Variants in RBFOX1 observed in about 807,000 individuals in gnomAD.
RBFOX1 encodes the protein RNA binding protein fox-1 homolog 1.
In RBFOX1, 8 loss-of-function variants were observed where a neutral mutation model predicts 57.7. The observed-to-expected ratio is 0.14, with a 90% CI of 0.08 to 0.25. The LOEUF (loss-of-function observed/expected upper bound fraction) is 0.25, where lower values mean the gene tolerates loss of function less well. Ranked by LOEUF, RBFOX1 falls within the 10% of genes least tolerant of loss-of-function variation. RBFOX1 has a pLI of 1.00. For missense variants in RBFOX1, 611 were observed against 548.5 expected (o/e 1.11, Z -1.14); for synonymous variants, 326 against 222.4 (o/e 1.47, Z -4.15).
intron 3 of RBFOX1, among the ~76,000 whole-genome samples, chr16:6,733,811 C>A (rs911232278): frequency 1.3e-5 from 2 of 152,220 alleles, no homozygotes; most frequent in South Asian, 2.1e-4. Context: ...ACTACCATCT[C>A]TGTGACTTGC....
intron 4 of RBFOX1, among the ~76,000 whole-genome samples, chr16:7,292,441 TATA>T (rs1319777444): frequency 2.1e-5 from 3 of 143,894 alleles, no homozygotes; most frequent in Admixed American, 1.4e-4. Flanking sequence ...ATATATAATA[TATA>T]ATATGTAATG....
intron 4 of RBFOX1, among the ~76,000 whole-genome samples, chr16:7,358,749 G>A (rs1391981409): frequency 6.6e-6 from 1 of 152,136 alleles, no homozygotes; most frequent in African/African-American, 2.4e-5. Flanking sequence ...GAATAAAGTA[G>A]TCACAGGTGG....
chr16:6,258,974 C>G (rs1348167437), intron 1 of RBFOX1, among the ~76,000 whole-genome samples: 5 of 152,100 alleles, frequency 3.3e-5, no homozygotes, highest in Admixed American at 3.3e-4. Context: ...AGTTCATTTA[C>G]AACATTAGAT....
At chr16:6,169,484 T>C (rs952247244) in intron 1 of RBFOX1, among the ~76,000 whole-genome samples, 3 of 152,046 alleles carry the variant, frequency 2.0e-5, no homozygotes, top group Admixed American at 6.5e-5. Context: ...AAGGAGTTAA[T>C]TGAACAATGA....
intron 1 of RBFOX1, among the ~76,000 whole-genome samples, chr16:6,109,572 C>G (rs535497530): frequency 6.6e-6 from 1 of 152,240 alleles, no homozygotes; most frequent in East Asian, 1.9e-4. Context: ...CATTTGCTTT[C>G]TCTATTTTCT....
intron 1 of RBFOX1, among the ~76,000 whole-genome samples, chr16:5,407,705 C>G (rs545519606): frequency 6.6e-6 from 1 of 152,164 alleles, no homozygotes; most frequent in South Asian, 2.1e-4. Flanking sequence ...CCCACCACCA[C>G]GCTGGGCTAA....
chr16:5,547,768 C>T (rs946180386), intron 2 of RBFOX1, among the ~76,000 whole-genome samples: 1 of 152,126 alleles, frequency 6.6e-6, no homozygotes, highest in East Asian at 1.9e-4. Flanking sequence ...AACTGGAGGC[C>T]ATTATCCTAA....
At chr16:5,765,230 A>T (rs560475053) in intron 3 of RBFOX1, among the ~76,000 whole-genome samples, 49 of 152,188 alleles carry the variant, frequency 3.2e-4, no homozygotes, top group Non-Finnish European at 5.9e-4. Context: ...TGATCACTGG[A>T]TCCCAAACCC....
chr16:7,462,572 C>G (rs931117799), intron 4 of RBFOX1, among the ~76,000 whole-genome samples: 1 of 152,222 alleles, frequency 6.6e-6, no homozygotes, highest in African/African-American at 2.4e-5. Flanking sequence ...TTCGGCATGA[C>G]TCAACTGGGT....
At chr16:6,562,068 C>T (rs532810945) in intron 2 of RBFOX1, among the ~76,000 whole-genome samples, 2 of 152,246 alleles carry the variant, frequency 1.3e-5, no homozygotes, top group South Asian at 2.1e-4. Flanking sequence ...TCATTTCCAT[C>T]ATTACTGATG....
intron 2 of RBFOX1, among the ~76,000 whole-genome samples, chr16:5,481,736 C>A (rs1694925204): frequency 6.6e-6 from 1 of 152,294 alleles, no homozygotes; most frequent in African/African-American, 2.4e-5. Flanking sequence ...ATTCTGCCAT[C>A]ATTCTGGAGG....
chr16:5,931,867 G>A (rs2059065821), intron 4 of RBFOX1, among the ~76,000 whole-genome samples: 1 of 152,156 alleles, frequency 6.6e-6, no homozygotes, highest in African/African-American at 2.4e-5. Flanking sequence ...GAGTACAGTG[G>A]CACAGTCCTA....
chr16:6,380,054 A>G (rs902797273), intron 2 of RBFOX1, among the ~76,000 whole-genome samples: 4 of 152,164 alleles, frequency 2.6e-5, no homozygotes, highest in Non-Finnish European at 5.9e-5. Context: ...GGAAGTCCGT[A>G]GGCTTTATGG....
chr16:6,313,665 A>G lies in RBFOX1; in HGVS notation c.-126-3330A>G, dbSNP rs148818606. Among the ~76,000 whole-genome samples the G allele has an allele frequency of 1.3e-4, 20 of 152,188 alleles. 2 individuals are homozygous for G. In the South Asian group the frequency reaches 1.7e-3, roughly 13 times the overall value. Reference sequence around the variant, plus strand: ...CTTCATTCTGCCTGACTTTGTTCCAATGTCCTCCGAGTTTCCTTCACTTGC... The same window carrying G: ...CTTCATTCTGCCTGACTTTGTTCCAGTGTCCTCCGAGTTTCCTTCACTTGC... On this transcript the variant is annotated intron_variant, in intron 1 of 15. Transcript: ENST00000550418.
At position 5,947,135 on chromosome 16, in the gene RBFOX1, G is replaced by A. The variant is rs1422158652; in HGVS notation, c.351+79800G>A. On this transcript the variant is annotated intron_variant, in intron 4 of 19. Coordinates refer to the RBFOX1 transcript ENST00000641259. The surrounding 1 kb of genome is among the most constrained non-coding windows in gnomAD (Gnocchi z 7.2). ...GGAGGCTGAGGTAGGAGGATCATGT[G>A]AACTCAGGAGGTTGAGGTTGCAGCG... 6.6e-6 allele frequency among the ~76,000 whole-genome samples: 1 copy of A among 152,154 alleles called. No homozygotes were observed. Among genetic ancestry groups the A allele is most frequent in the Non-Finnish European group, 1.5e-5 (1 of 68,038 alleles).
At chr16:7,229,724 GCAAGGGAGGGAGGGGGAAGA>G (rs1445985030) in intron 4 of RBFOX1, among the ~76,000 whole-genome samples, 2 of 120,210 alleles carry the variant, frequency 1.7e-5, no homozygotes, top group African/African-American at 3.0e-5. Context: ...GAGAGAGGAA[GCAAGGGAGGGAGGGGGAAGA>G]AGGAAGGGAG....
chr16:5,470,939 C>T (rs112504706), intron 2 of RBFOX1, among the ~76,000 whole-genome samples: 5 of 152,172 alleles, frequency 3.3e-5, no homozygotes, highest in East Asian at 3.9e-4. Flanking sequence ...GCAACTTCCG[C>T]ATCCTGGGTT....
intron 4 of RBFOX1, among the ~76,000 whole-genome samples, chr16:7,161,907 T>C (rs948602637): frequency 3.3e-5 from 5 of 152,256 alleles, no homozygotes; most frequent in Non-Finnish European, 7.3e-5. Context: ...TTATTCTCCC[T>C]GGTAAACACA....
chr16:6,140,156 A>G (rs2096704208), intron 1 of RBFOX1, among the ~76,000 whole-genome samples: 1 of 149,926 alleles, frequency 6.7e-6, no homozygotes, highest in African/African-American at 2.4e-5. Flanking sequence ...TAATTCGTAA[A>G]CTTCTAAGGT....
Sources: gnomAD v4.1 joint callset for allele counts (sites outside exome capture counted in the v4.1 genomes callset) on GRCh38, gnomAD v4.1.1 for gene constraint, Gnocchi (gnomAD v3.1) non-coding constraint, MANE v1.5 for transcripts, NCBI Gene and HGNC (gene_info 2026-07-23, HGNC 2026-07-21) for gene names.